Variants in MIS18BP1 observed in about 807,000 individuals in gnomAD.
MIS18BP1 encodes MIS18 binding protein 1.
In MIS18BP1, 72 loss-of-function variants were observed where a neutral mutation model predicts 116.1. The observed-to-expected ratio is 0.62, with a 90% confidence interval of 0.51 to 0.75. The LOEUF (loss-of-function observed/expected upper bound fraction) is 0.75, where lower values mean the gene tolerates loss of function less well. Among genes scored for constraint, MIS18BP1 ranks in the 30% least tolerant of loss-of-function variants. The probability of loss-of-function intolerance (pLI) is 0.00; values close to 1 mark genes in which losing one functional copy is unlikely to be tolerated. For missense variants in MIS18BP1, 1,363 were observed against 1,303.2 expected (o/e 1.05, Z -0.71); for synonymous variants, 386 against 427.0 (o/e 0.90, Z 1.18).
At position 45,224,491 on chromosome 14, in the gene MIS18BP1, A is replaced by G. The variant is rs528649573; in HGVS notation, c.2096T>C (p.Leu699Ser). ...TTTATGACCTTCAAATGTATTTTCT[A>G]AAGTCCCCATGGACTTGCTGATGGG... ...KSPISKSMGT[L>S]ENTFEGHKSK... The change falls in exon 11 of 17, where the codon TTA becomes TCA. Residue 699 changes from leucine (L) to serine (S), a missense_variant. Leu to Ser is a moderately radical substitution (Grantham distance 145). Coordinates refer to ENST00000310806, the MANE Select transcript of MIS18BP1 (RefSeq NM_018353.5). The G allele has an allele frequency of 4.3e-6, 7 of 1,613,734 alleles. No homozygotes were observed. The highest frequency in any genetic ancestry group is 2.7e-5 in the African/African-American group (2 of 75,030).
chr14:45,211,028 A>G (rs1350763189), intron 13 of MIS18BP1, among the ~76,000 whole-genome samples: 1 of 152,138 alleles, frequency 6.6e-6, no homozygotes, highest in East Asian at 1.9e-4. Context: ...GCTTCAAACC[A>G]TGTTTTAAAA....
At chr14:45,228,375 C>A in intron 8 of MIS18BP1, among the ~76,000 whole-genome samples, 1 of 152,142 alleles carries the variant, frequency 6.6e-6, no homozygotes, top group Non-Finnish European at 1.5e-5. Context: ...TTTGTCACAT[C>A]TAAAGACAGA....
At chr14:45,211,459 C>G (rs1284662114) in intron 13 of MIS18BP1, among the ~76,000 whole-genome samples, 2 of 152,172 alleles carry the variant, frequency 1.3e-5, no homozygotes, top group Non-Finnish European at 2.9e-5. Flanking sequence ...CACCTCCTAA[C>G]CCCCTCCTCT....
intron 8 of MIS18BP1, among the ~76,000 whole-genome samples, chr14:45,229,030 G>C (rs147838663): frequency 1.8e-4 from 27 of 150,414 alleles, no homozygotes; most frequent in African/African-American, 6.3e-4. Flanking sequence ...TGAAGATAGT[G>C]TCTAACAGTT....
intron 13 of MIS18BP1, among the ~76,000 whole-genome samples, chr14:45,214,465 C>A (rs1274374644): frequency 6.6e-6 from 1 of 152,164 alleles, no homozygotes; most frequent in East Asian, 1.9e-4. Context: ...CCTGCCATAT[C>A]CCCCTCTCTG....
At chr14:45,219,227 T>C (rs1056173857) in intron 11 of MIS18BP1, among the ~76,000 whole-genome samples, 3 of 152,244 alleles carry the variant, frequency 2.0e-5, no homozygotes, top group Non-Finnish European at 4.4e-5. Flanking sequence ...TCTGTTTCTT[T>C]GGCAAAATAT....
In MIS18BP1 at chr14:45,227,757, T is replaced by C; in HGVS notation, c.1652A>G (p.His551Arg). Residue 551 changes from histidine (H) to arginine (R), a missense_variant, in exon 9 of 17, where the codon CAC becomes CGC. Transcript: ENST00000310806. ...SPGATELNMC[H>R]SNCQNKPTLR... ...TGTTGGTTTATTTTGGCAATTACTGTGGCACATGTTTAATTCTGTAGCTCC... is the reference window on the plus strand; with the variant it reads ...TGTTGGTTTATTTTGGCAATTACTGCGGCACATGTTTAATTCTGTAGCTCC... 6.2e-7 allele frequency: 1 copy of C among 1,613,998 alleles called. No individual in the cohort carries two copies. Among genetic ancestry groups the C allele is most frequent in the Non-Finnish European group, 8.5e-7 (1 of 1,179,832 alleles).
chr14:45,232,558 G>A, intron 7 of MIS18BP1, 175 bp downstream of exon 7: 1 of 587,960 alleles, frequency 1.7e-6, no homozygotes, highest in Non-Finnish European at 3.1e-6. Flanking sequence ...ACTTTGGGAG[G>A]CTGAGACAGG....
chr14:45,208,587 C>T (rs968444309), intron 14 of MIS18BP1, among the ~76,000 whole-genome samples: 1 of 152,078 alleles, frequency 6.6e-6, no homozygotes, highest in Non-Finnish European at 1.5e-5. Context: ...CGGCCTCAGC[C>T]TCCCAAAGTG....
chr14:45,228,663 G>C (rs1003993022), intron 8 of MIS18BP1, among the ~76,000 whole-genome samples: 6 of 152,092 alleles, frequency 3.9e-5, no homozygotes, highest in African/African-American at 1.4e-4. Context: ...AAAACATTTT[G>C]TTATTTTTCT....
Position 45,235,892 on chromosome 14 carries a change from G to A in MIS18BP1, c.1270C>T (p.His424Tyr). The stretch of plus-strand genomic sequence containing the variant: ...CCTGATATAGTCCTAAGTTTGTTGT[G>A]CTCAATCCGCTCTATAATTACATTA... ...HSNVIIERIE[H>Y]NKLRTISGNV... The change falls in exon 6 of 17, where the codon CAC (histidine) becomes TAC (tyrosine). Residue 424 changes from histidine (H) to tyrosine (Y), a missense_variant. By Grantham distance (83) the His-to-Tyr change is moderately conservative. Transcript: ENST00000310806. 4 of 1,610,918 alleles carry A rather than the reference G, an allele frequency of 2.5e-6. No individual in the cohort carries two copies. The highest frequency in any genetic ancestry group is 1.7e-4 in the Middle Eastern group (1 of 6,056).
chr14:45,220,340 G>C (rs1391456781), intron 11 of MIS18BP1, among the ~76,000 whole-genome samples: 1 of 151,918 alleles, frequency 6.6e-6, no homozygotes, highest in Admixed American at 6.6e-5. Flanking sequence ...TTGAATCCTT[G>C]GCTTAAATAA....
At chr14:45,214,161 A>G (rs897158344) in intron 13 of MIS18BP1, among the ~76,000 whole-genome samples, 2 of 152,200 alleles carry the variant, frequency 1.3e-5, no homozygotes, top group Non-Finnish European at 1.5e-5. Flanking sequence ...TTTGAGGAGA[A>G]TTAGTAAAAT....
intron 14 of MIS18BP1, among the ~76,000 whole-genome samples, chr14:45,207,666 A>T (rs1386312004): frequency 1.3e-5 from 2 of 152,174 alleles, no homozygotes; most frequent in Non-Finnish European, 2.9e-5. Flanking sequence ...ACAAATGAAC[A>T]GGCCTAGCCA....
chr14:45,219,429 A>G (rs1369257068), intron 11 of MIS18BP1, among the ~76,000 whole-genome samples: 1 of 152,240 alleles, frequency 6.6e-6, no homozygotes, highest in Non-Finnish European at 1.5e-5. Context: ...TTGATAAAAC[A>G]CGTGTGATAG....
intron 13 of MIS18BP1, among the ~76,000 whole-genome samples, chr14:45,212,036 C>T (rs1416942551): frequency 6.6e-6 from 1 of 152,012 alleles, no homozygotes; most frequent in Non-Finnish European, 1.5e-5. Context: ...TTGGTGTCAC[C>T]ATTTGGCCAT....
At position 45,204,463 on chromosome 14, in the gene MIS18BP1, A is replaced by G. The variant is rs777441409; in HGVS notation, c.3241-10T>C. The G allele has an allele frequency of 1.9e-6, 3 of 1,584,098 alleles. No homozygotes were observed. Among genetic ancestry groups the G allele is most frequent in the South Asian group, 1.2e-5 (1 of 86,154 alleles). ...AGAAATCAGTTTCAACCTATAAAAG[A>G]GTTACTATTAATAGCTAAATGGTAC... On this transcript the variant is annotated splice_polypyrimidine_tract_variant and intron_variant, in intron 15 of 16. Transcript: ENST00000310806.
intron 4 of MIS18BP1, among the ~76,000 whole-genome samples, chr14:45,240,983 G>A (rs1394789265): frequency 6.6e-6 from 1 of 152,154 alleles, no homozygotes; most frequent in Non-Finnish European, 1.5e-5. Context: ...AATATATTGA[G>A]ATATAAAACC....
chr14:45,239,574 C>T (rs988411537), intron 4 of MIS18BP1, among the ~76,000 whole-genome samples: 2 of 152,028 alleles, frequency 1.3e-5, no homozygotes, highest in African/African-American at 2.4e-5. Context: ...AAGTACAGCT[C>T]GGTAAACCAT....
Sources: gnomAD v4.1 joint callset for allele counts (sites outside exome capture counted in the v4.1 genomes callset) on GRCh38, gnomAD v4.1.1 for gene constraint, MANE v1.5 for transcripts, NCBI Gene and HGNC (gene_info 2026-07-23, HGNC 2026-07-21) for gene names.